Variants in CFAP52 observed in about 807,000 individuals in gnomAD.
CFAP52 encodes cilia- and flagella-associated protein 52.
CFAP52 carries 57 observed loss-of-function variants against 70.5 expected under a neutral mutation model. The observed-to-expected ratio is 0.81, with a 90% CI of 0.65 to 1.01. The LOEUF is 1.01. Ranked by LOEUF, CFAP52 falls within the 50% of genes least tolerant of loss-of-function variation. The probability of loss-of-function intolerance (pLI) is 0.00; values close to 1 mark genes in which losing one functional copy is unlikely to be tolerated. For synonymous variants in CFAP52, 267 were observed against 292.5 expected (o/e 0.91, Z 0.89); for missense variants, 785 against 788.5 (o/e 1.00, Z 0.05).
At chr17:9,592,965 G>C (rs185268329) in intron 3 of CFAP52, among the ~76,000 whole-genome samples, 104 of 152,138 alleles carry the variant, frequency 6.8e-4, no homozygotes, top group African/African-American at 2.4e-3. Context: ...TTCCACTTTT[G>C]ATGGTATCTG....
chr17:9,632,805 C>A, intron 9 of CFAP52, 83 bp from the exon 10 acceptor site: 1 of 1,538,524 alleles, frequency 6.5e-7, no homozygotes, highest in Non-Finnish European at 8.8e-7. Context: ...ACCAGGCCTG[C>A]CTCTCCTTAG....
chr17:9,604,835 T>C (rs1567626867), intron 6 of CFAP52, among the ~76,000 whole-genome samples: 1 of 151,526 alleles, frequency 6.6e-6, no homozygotes, highest in African/African-American at 2.4e-5. Context: ...AGTAAGCATA[T>C]GGAAAGATAC....
At chr17:9,598,625 G>A (rs12051784) in intron 5 of CFAP52, 109,578 of 183,024 alleles carry the variant, frequency 0.6, 37,506 homozygotes, top group Non-Finnish European at 0.76. Flanking sequence ...GCCAGGTGTG[G>A]TGGTAGGTGC....
chr17:9,584,736 C>T (rs1160002425), intron 1 of CFAP52, among the ~76,000 whole-genome samples: 1 of 151,978 alleles, frequency 6.6e-6, no homozygotes, highest in Non-Finnish European at 1.5e-5. Flanking sequence ...ATTCTCCTGC[C>T]TCAGCCTCCC....
At chr17:9,585,734 T>G (rs749180219) in intron 1 of CFAP52, 39 bp from the exon 2 acceptor site, 21 of 1,604,952 alleles carry the variant, frequency 1.3e-5, no homozygotes, top group South Asian at 4.4e-5. Flanking sequence ...TGGCCACTTC[T>G]GCACCTGATT....
At chr17:9,603,787 T>C (rs1038543213) in intron 6 of CFAP52, among the ~76,000 whole-genome samples, 1 of 152,238 alleles carries the variant, frequency 6.6e-6, no homozygotes. Context: ...TACACCTATG[T>C]AACAAACCCG....
At chr17:9,644,442 AAAC>A (rs759150524), downstream of CFAP52, among the ~76,000 whole-genome samples, 10 of 152,108 alleles carry the variant, frequency 6.6e-5, no homozygotes, top group African/African-American at 1.7e-4. Flanking sequence ...ATCACTTATT[AAAC>A]AACAAGTAAC....
At chr17:9,604,095 CA>C (rs1429734369) in intron 6 of CFAP52, among the ~76,000 whole-genome samples, 3 of 151,694 alleles carry the variant, frequency 2.0e-5, no homozygotes, top group Non-Finnish European at 4.4e-5. Context: ...CCTGGAAAAC[CA>C]AAAAATAAAA....
chr17:9,578,193 A>G (rs1908051707), intron 1 of CFAP52, among the ~76,000 whole-genome samples: 4 of 152,266 alleles, frequency 2.6e-5, no homozygotes, highest in Admixed American at 2.6e-4. Context: ...TGTGTATTGA[A>G]CAAACATTGA....
At chr17:9,631,084 G>GAAAGAA (rs1910515524) in intron 9 of CFAP52, among the ~76,000 whole-genome samples, 1 of 134,412 alleles carries the variant, frequency 7.4e-6, no homozygotes, top group Admixed American at 7.8e-5. Flanking sequence ...GAAAGAAAGA[G>GAAAGAA]AAAGAAAGAA....
chr17:9,586,765 A>C lies in CFAP52; in HGVS notation c.338A>C (p.Lys113Thr). The C allele has an allele frequency of 6.2e-7, 1 of 1,613,880 alleles. No homozygotes were observed. The change falls in exon 3 of 14, where the codon AAA becomes ACA. Residue 113 changes from lysine (K) to threonine (T), a missense_variant. Physicochemically the swap from Lys to Thr is moderately conservative, Grantham distance 78 (BLOSUM62 -1). Transcript: ENST00000352665. ...GCTCGGCTGTCCCTTCACAAAGGCA[A>C]AATTGAAGCTCTGGCCTTTTCTCCA... ...LLARLSLHKGKIEALAFSPND... is the reference protein window; with the variant it reads ...LLARLSLHKGTIEALAFSPND...
chr17:9,631,030 G>GAAAGAAAGAA (rs764569895), intron 9 of CFAP52, among the ~76,000 whole-genome samples: 15 of 59,648 alleles, frequency 2.5e-4, no homozygotes, highest in South Asian at 7.5e-4. Context: ...AAGAAAGAAA[G>GAAAGAAAGAA]AGAGAGAGAG....
chr17:9,638,747 CG>C, intron 12 of CFAP52, 36 bp downstream of exon 12: 1 of 1,602,062 alleles, frequency 6.2e-7, no homozygotes, highest in Non-Finnish European at 8.6e-7. Context: ...ATCTTTCCAG[CG>C]CAAGAGAAAA....
At chr17:9,636,709 G>A (rs901824546) in intron 11 of CFAP52, among the ~76,000 whole-genome samples, 5 of 152,008 alleles carry the variant, frequency 3.3e-5, no homozygotes, top group African/African-American at 7.2e-5. Flanking sequence ...CATGAGATAC[G>A]CTTGATGGGA....
intron 3 of CFAP52, among the ~76,000 whole-genome samples, 180 bp from the exon 4 acceptor site, chr17:9,594,013 G>A (rs1022606523): frequency 6.6e-5 from 10 of 152,086 alleles, no homozygotes; most frequent in Non-Finnish European, 1.0e-4. Flanking sequence ...ATGTGTCACC[G>A]TTGTGTCTTC....
chr17:9,579,327 G>A (rs992526447), intron 1 of CFAP52, among the ~76,000 whole-genome samples: 3 of 152,108 alleles, frequency 2.0e-5, no homozygotes, highest in Non-Finnish European at 2.9e-5. Flanking sequence ...CAGCAATAGC[G>A]GGGGGCAGAG....
intron 3 of CFAP52, among the ~76,000 whole-genome samples, chr17:9,591,963 C>T (rs1322075718): frequency 1.3e-5 from 2 of 152,122 alleles, no homozygotes; most frequent in Non-Finnish European, 2.9e-5. Flanking sequence ...GCAAAAGGAT[C>T]CAAAATTCAA....
chr17:9,608,251 G>A (rs1275685865), intron 7 of CFAP52, 32 bp downstream of exon 7: 4 of 1,502,836 alleles, frequency 2.7e-6, no homozygotes, highest in South Asian at 1.3e-5. Context: ...GTGGGGCTGG[G>A]TAGAGACCCA....
chr17:9,586,490 G>T (rs1224551846), intron 2 of CFAP52, among the ~76,000 whole-genome samples: 1 of 150,784 alleles, frequency 6.6e-6, no homozygotes, highest in Non-Finnish European at 1.5e-5. Flanking sequence ...CTTGAACCCA[G>T]GAGGTGGATG....
Sources: allele counts gnomAD v4.1 joint callset (sites outside exome capture counted in the v4.1 genomes callset), GRCh38; gene constraint gnomAD v4.1.1; transcripts MANE v1.5; gene names NCBI Gene and HGNC (gene_info 2026-07-23, HGNC 2026-07-21).